DOCK3: variants seen among roughly 807,000 people sequenced by gnomAD.
The protein encoded by DOCK3 is dedicator of cytokinesis 3, also known as dedicator of cytokinesis protein 3.
DOCK3 carries 60 observed loss-of-function variants against 265.6 expected under a neutral mutation model. That is an observed-to-expected ratio of 0.23 (90% CI 0.18 to 0.28). The LOEUF (loss-of-function observed/expected upper bound fraction) is 0.28. Ranked by LOEUF, DOCK3 falls within the 10% of genes least tolerant of loss-of-function variation. The pLI, the probability that DOCK3 is intolerant of heterozygous loss-of-function variation, is 1.00. For synonymous variants in DOCK3, 881 were observed against 938.0 expected, an observed-to-expected ratio of 0.94 and a Z score of 1.11; for missense variants, 1,981 against 2,594.3, an observed-to-expected ratio of 0.76 and a Z score of 5.14.
At chr3:50,691,112 C>G (rs1456145403) in intron 1 of DOCK3, among the ~76,000 whole-genome samples, 1 of 151,536 alleles carries the variant, frequency 6.6e-6, no homozygotes, top group East Asian at 2.0e-4. Context: ...GAAACCTCGT[C>G]TCTACTAAAA....
intron 2 of DOCK3, among the ~76,000 whole-genome samples, chr3:50,825,212 C>A (rs1416377493): frequency 6.6e-6 from 1 of 152,096 alleles, no homozygotes; most frequent in Non-Finnish European, 1.5e-5. Flanking sequence ...TTGCTTCTCT[C>A]TGAAACACTA....
intron 12 of DOCK3, among the ~76,000 whole-genome samples, chr3:51,182,129 G>A (rs2087334659): frequency 6.6e-6 from 1 of 152,160 alleles, no homozygotes; most frequent in South Asian, 2.1e-4. Context: ...CTTCCCAGTA[G>A]AGCTAGCATA....
chr3:51,142,142 A>G (rs1346615701), intron 9 of DOCK3, among the ~76,000 whole-genome samples: 1 of 152,008 alleles, frequency 6.6e-6, no homozygotes, highest in African/African-American at 2.4e-5. Context: ...TTCCTTTGCC[A>G]GTTATATCCT....
At chr3:51,098,076 G>A (rs184859307) in intron 9 of DOCK3, among the ~76,000 whole-genome samples, 2 of 151,706 alleles carry the variant, frequency 1.3e-5, no homozygotes, top group African/African-American at 4.8e-5. Context: ...GCCAGCCACC[G>A]ATCGGAGTTT....
intron 2 of DOCK3, among the ~76,000 whole-genome samples, chr3:50,801,821 A>G (rs2675798): frequency 0.95 from 145,274 of 152,252 alleles, 69,724 homozygotes; most frequent in East Asian, 1. Flanking sequence ...CTATTATTGT[A>G]TTTGGATCTA....
chr3:51,033,961 G>GTTCTTTTT (rs1208884537), intron 5 of DOCK3, among the ~76,000 whole-genome samples: 1 of 152,102 alleles, frequency 6.6e-6, no homozygotes, highest in Non-Finnish European at 1.5e-5. Flanking sequence ...TTTGATGTTT[G>GTTCTTTTT]TTCTTTTTTC....
intron 5 of DOCK3, among the ~76,000 whole-genome samples, chr3:50,983,228 G>A (rs920280274): frequency 1.3e-5 from 2 of 152,132 alleles, no homozygotes; most frequent in Admixed American, 6.5e-5. Flanking sequence ...GCCTGCAGGT[G>A]CCCCTTGGAG....
intron 7 of DOCK3, among the ~76,000 whole-genome samples, chr3:51,081,328 T>C (rs1223337038): frequency 6.6e-6 from 1 of 152,192 alleles, no homozygotes; most frequent in Non-Finnish European, 1.5e-5. Context: ...TTGTTTCGTT[T>C]ACCAACACCA....
Position 51,381,372 on chromosome 3 carries a change from A to G in DOCK3, c.5906A>G (p.Asp1969Gly), listed in dbSNP as rs538586999. ...TGCGTCATCCCTCAGGACCCCATGG[A>G]CCCGCCTGCGCTGCCGCCCAAGCCC... ...PGCVIPQDPM[D>G]PPALPPKPYH... Residue 1969 changes from aspartate to glycine, a missense_variant, in exon 53 of 53, where the codon GAC becomes GGC. By Grantham distance (94) the Asp-to-Gly change is moderately conservative. Around this residue, in one of 4 missense-constraint regions of DOCK3, gnomAD observed 149 missense variants for 144.7 expected, o/e 1.03. Coordinates refer to ENST00000266037, the MANE Select transcript of DOCK3 (RefSeq NM_004947.5). The surrounding 1 kb of genome is among the most constrained non-coding windows in gnomAD (Gnocchi z 5.6). The G allele has an allele frequency of 6.2e-7, 1 of 1,611,406 alleles. No individual in the cohort carries two copies. Among genetic ancestry groups the G allele is most frequent in the Admixed American group, 1.7e-5 (1 of 59,940 alleles).
At chr3:50,928,128 GATATAT>G (rs35440218) in intron 4 of DOCK3, among the ~76,000 whole-genome samples, 17,298 of 142,782 alleles carry the variant, frequency 0.12, 1,855 homozygotes, top group East Asian at 0.34. Context: ...TTATTGTGAT[GATATAT>G]ATATATATAT....
At chr3:50,898,230 T>C (rs1273081243) in intron 4 of DOCK3, among the ~76,000 whole-genome samples, 2 of 151,824 alleles carry the variant, frequency 1.3e-5, no homozygotes, top group Non-Finnish European at 2.9e-5. Context: ...TCCAGAAATT[T>C]ATCCATTTCT....
chr3:50,720,673 T>C lies in DOCK3; in HGVS notation c.37+45373T>C, dbSNP rs542845839. Reference sequence around the variant, plus strand: ...ATATACCCAGTAATGGGATTGCTGATTGGATATATACCCAGTAATGTGATT... The same window carrying C: ...ATATACCCAGTAATGGGATTGCTGACTGGATATATACCCAGTAATGTGATT... On this transcript the variant is annotated intron_variant, in intron 1 of 52. Coordinates refer to ENST00000266037, the MANE Select transcript of DOCK3 (RefSeq NM_004947.5). Among the ~76,000 whole-genome samples the C allele has an allele frequency of 2.6e-5, 4 of 152,184 alleles. No individual in the cohort carries two copies. The South Asian group carries it at 8.3e-4, about 32-fold the overall frequency.
chr3:51,212,545 C>G (rs765768455), intron 13 of DOCK3, among the ~76,000 whole-genome samples: 11 of 148,486 alleles, frequency 7.4e-5, no homozygotes, highest in African/African-American at 2.7e-4. Context: ...CAGTGGATTT[C>G]TGTTTACCCA....
rs1157000741 is a variant in DOCK3, at chr3:50,720,235, C to T, written c.37+44935C>T. 2.0e-5 allele frequency among the ~76,000 whole-genome samples: 3 copies of T among 152,012 alleles called. No homozygotes were observed. The East Asian group carries it at 5.8e-4, about 29-fold the overall frequency. On this transcript the variant is annotated intron_variant, in intron 1 of 52. Coordinates refer to ENST00000266037, the MANE Select transcript of DOCK3 (RefSeq NM_004947.5). ...GGTTTGTCGTATGATTATTTCGTCA[C>T]CCAGGTAGTAAACATAGTATGCAAT... is the stretch of plus-strand genomic sequence containing the variant.
chr3:51,277,755 G>C lies in DOCK3; in HGVS notation c.2823+1G>C. On this transcript the variant is annotated splice_donor_variant, in intron 26 of 52. Transcript: ENST00000266037. LOFTEE classifies it high-confidence loss of function. ...CCCGCAGTGCACAGCCGAGATCACT[G>C]TTAGTAACTAACATCCAGGTTTTCT... The C allele has an allele frequency of 6.2e-7, 1 of 1,610,136 alleles. No homozygotes were observed. Among genetic ancestry groups the C allele is most frequent in the Non-Finnish European group, 8.5e-7 (1 of 1,178,646 alleles).
At chr3:51,073,244 T>C (rs1409826017) in intron 6 of DOCK3, among the ~76,000 whole-genome samples, 1 of 152,270 alleles carries the variant, frequency 6.6e-6, no homozygotes, top group East Asian at 1.9e-4. Flanking sequence ...ATCATTCTTG[T>C]GATCTTTCCA....
At chr3:51,188,138 T>C (rs1576354981) in intron 12 of DOCK3, among the ~76,000 whole-genome samples, 1 of 152,206 alleles carries the variant, frequency 6.6e-6, no homozygotes, top group South Asian at 2.1e-4. Context: ...TTTTTTCTCA[T>C]TTGTATTTTA....
chr3:51,053,980 C>T (rs2081102468), intron 5 of DOCK3, among the ~76,000 whole-genome samples: 1 of 151,830 alleles, frequency 6.6e-6, no homozygotes, highest in African/African-American at 2.4e-5. Context: ...CCTGCATGGA[C>T]TCTGCCACCT....
chr3:51,308,222 C>CTT (rs779774728), intron 27 of DOCK3, among the ~76,000 whole-genome samples: 2 of 132,582 alleles, frequency 1.5e-5, no homozygotes, highest in African/African-American at 2.8e-5. Context: ...ATCCATTTTT[C>CTT]TTTTTTTTTT....
Sources: allele counts gnomAD v4.1 joint callset (sites outside exome capture counted in the v4.1 genomes callset), GRCh38; gene constraint gnomAD v4.1.1; regional missense constraint gnomAD v4.1.1; non-coding constraint Gnocchi (gnomAD v3.1); transcripts MANE v1.5; gene names NCBI Gene and HGNC (gene_info 2026-07-23, HGNC 2026-07-21).